The following ZNF608 variants were observed in gnomAD, a reference collection of about 807,000 sequenced individuals.
ZNF608 encodes the protein renal carcinoma antigen NY-REN-36.
ZNF608 carries 12 observed loss-of-function variants against 109.0 expected under a neutral mutation model. The ratio of observed to expected loss-of-function variants is 0.11; its 90% confidence interval spans 0.07 to 0.18. The LOEUF is 0.18. Among genes scored for constraint, ZNF608 ranks in the 10% least tolerant of loss-of-function variants. ZNF608 has a pLI of 1.00. For missense variants in ZNF608, 1,707 were observed against 1,879.3 expected, an observed-to-expected ratio of 0.91 and a Z score of 1.70; for synonymous variants, 732 against 717.4, an observed-to-expected ratio of 1.02 and a Z score of -0.33.
At position 124,648,713 on chromosome 5, in the gene ZNF608, G is replaced by A. The variant is rs1416292159; in HGVS notation, c.1671C>T (p.His557=). 7.4e-6 allele frequency: 12 copies of A among 1,614,240 alleles called. No individual in the cohort carries two copies. Among genetic ancestry groups the A allele is most frequent in the Middle Eastern group, 3.3e-4 (2 of 6,062 alleles). Reference sequence around the variant, plus strand: ...GCTTGTACTTTTTGTTGCAGTTTGGGTGGGGACAGTCGATTAACACTGGAG... The same window carrying A: ...GCTTGTACTTTTTGTTGCAGTTTGGATGGGGACAGTCGATTAACACTGGAG... ...CSSPVLIDCP[H]PNCNKKYKHI... The change falls in exon 5 of 10, where the codon CAC becomes CAT. Residue 557 remains histidine (H), a synonymous_variant. Coordinates refer to ENST00000513986, the MANE Select transcript of ZNF608 (RefSeq NM_020747.3).
intron 3 of ZNF608, among the ~76,000 whole-genome samples, chr5:124,677,585 C>A (rs1448078871): frequency 6.6e-6 from 1 of 152,176 alleles, no homozygotes; most frequent in South Asian, 2.1e-4. Flanking sequence ...CCGTGCAAAT[C>A]AAAATTCATA....
At position 124,667,484 on chromosome 5, in the gene ZNF608, G is replaced by A. The variant is rs943784489; in HGVS notation, c.1163-17787C>T. ...CCACCGTGGCTGGAAGAAAACAAGT[G>A]GCAACATCAACACCATTGTTGATAA... On this transcript the variant is annotated intron_variant, in intron 3 of 9. Coordinates refer to ENST00000513986, the MANE Select transcript of ZNF608 (RefSeq NM_020747.3). Among the ~76,000 whole-genome samples the A allele has an allele frequency of 2.6e-5, 4 of 151,964 alleles. No homozygotes were observed. In the South Asian group the frequency reaches 6.2e-4, roughly 24 times the overall value.
intron 3 of ZNF608, among the ~76,000 whole-genome samples, chr5:124,674,860 T>C (rs549934795): frequency 6.6e-6 from 1 of 152,258 alleles, no homozygotes; most frequent in Non-Finnish European, 1.5e-5. Flanking sequence ...AGTGATCTTC[T>C]GCCTCACCTC....
chr5:124,709,529 C>T (rs550009387), intron 2 of ZNF608, among the ~76,000 whole-genome samples: 1 of 152,156 alleles, frequency 6.6e-6, no homozygotes, highest in African/African-American at 2.4e-5. Flanking sequence ...CATAGCTAAG[C>T]GATATTGGTG....
chr5:124,692,865 C>T (rs1040218915), intron 3 of ZNF608, among the ~76,000 whole-genome samples: 1 of 152,168 alleles, frequency 6.6e-6, no homozygotes, highest in East Asian at 1.9e-4. Context: ...GACAAGCATG[C>T]CTAGCACAAT....
Position 124,647,266 on chromosome 5 carries a change from T to G in ZNF608, c.3118A>C (p.Lys1040Gln). ...IKKESEEDAE[K>Q]KDKAEQLDSK... Reference sequence around the variant, plus strand: ...TCTAACTGCTCTGCCTTGTCTTTCTTTTCAGCATCTTCCTCAGACTCCTTC... The same window carrying G: ...TCTAACTGCTCTGCCTTGTCTTTCTGTTCAGCATCTTCCTCAGACTCCTTC... Residue 1040 changes from lysine to glutamine, a missense_variant, in exon 5 of 10, where the codon AAG becomes CAG. This residue lies in a region of ZNF608 where 1,073 missense variants were observed against 1,133.5 expected (regional missense o/e 0.95). Transcript: ENST00000513986. 1 of 1,614,226 alleles carries G rather than the reference T, an allele frequency of 6.2e-7. No homozygotes were observed. The highest frequency in any genetic ancestry group is 1.6e-4 in the Middle Eastern group (1 of 6,062).
chr5:124,660,277 C>T (rs548823853), intron 3 of ZNF608, among the ~76,000 whole-genome samples: 1 of 152,172 alleles, frequency 6.6e-6, no homozygotes, highest in East Asian at 1.9e-4. Context: ...ACCATCTTTG[C>T]AAATCTAGAA....
intron 3 of ZNF608, among the ~76,000 whole-genome samples, chr5:124,661,584 G>A (rs1334516146): frequency 6.6e-6 from 1 of 152,080 alleles, no homozygotes; most frequent in Non-Finnish European, 1.5e-5. Context: ...GACTAATAGT[G>A]CTCTCCTCCA....
intron 2 of ZNF608, among the ~76,000 whole-genome samples, chr5:124,712,276 C>T (rs78612593): frequency 0.18 from 26,671 of 152,084 alleles, 2,656 homozygotes; most frequent in Admixed American, 0.27. Context: ...TGTGCCCCAG[C>T]GGTCTGTTTC....
Position 124,715,114 on chromosome 5 carries a change from C to T in ZNF608, c.907-13845G>A, listed in dbSNP as rs1000382378. On this transcript the variant is annotated intron_variant, in intron 2 of 9. Coordinates refer to ENST00000513986, the MANE Select transcript of ZNF608 (RefSeq NM_020747.3). ...AAATGAAATGGACTCTATGAAAATGCTTCCTCAGCTATTTTATAGGGGTAC... is the reference window on the plus strand; with the variant it reads ...AAATGAAATGGACTCTATGAAAATGTTTCCTCAGCTATTTTATAGGGGTAC... 9.2e-5 allele frequency among the ~76,000 whole-genome samples: 14 copies of T among 152,254 alleles called. 1 individual carries two copies. Among genetic ancestry groups the T allele is most frequent in the African/African-American group, 3.1e-4 (13 of 41,548 alleles).
In ZNF608 at chr5:124,688,194, CTT is replaced by C. The variant is rs1752475909; in HGVS notation, c.1162+12818_1162+12819del. Among the ~76,000 whole-genome samples the C allele has an allele frequency of 3.9e-5, 6 of 152,086 alleles. No homozygotes were observed. The South Asian group carries it at 1.2e-3, about 32-fold the overall frequency. On this transcript the variant is annotated intron_variant, in intron 3 of 9. Transcript: ENST00000513986. ...ATATTTAAAAGTATCTTTTAACTTC[CTT>C]CACTTGGGAGAAAAAGAGCTGTAAG...
In ZNF608 at chr5:124,646,876, C is replaced by G. The variant is rs1253963144; in HGVS notation, c.3508G>C (p.Gly1170Arg). 6 of 1,614,064 alleles carry G rather than the reference C, an allele frequency of 3.7e-6. No homozygotes were observed. The highest frequency in any genetic ancestry group is 5.1e-6 in the Non-Finnish European group (6 of 1,180,048). The change falls in exon 5 of 10, where the codon GGG becomes CGG. Residue 1170 changes from glycine to arginine, a missense_variant. Gly to Arg is a moderately radical substitution (Grantham distance 125). Coordinates refer to ENST00000513986, the MANE Select transcript of ZNF608 (RefSeq NM_020747.3). Reference protein sequence around the residue: ...PEPNKNHSKLGPSVPNKTEET... With the variant: ...PEPNKNHSKLRPSVPNKTEET... Reference sequence around the variant, plus strand: ...TCAGTTTTATTAGGCACTGATGGCCCTAGTTTAGAATGGTTTTTGTTAGGC... The same window carrying G: ...TCAGTTTTATTAGGCACTGATGGCCGTAGTTTAGAATGGTTTTTGTTAGGC...
rs114914724 is a variant in ZNF608, at chr5:124,714,163, C to T, written c.907-12894G>A. Among the ~76,000 whole-genome samples, 959 of 152,222 alleles carry T rather than the reference C, an allele frequency of 6.3e-3. 7 individuals are homozygous for T. The highest frequency in any genetic ancestry group is 0.022 in the African/African-American group (907 of 41,536). ...AAAACAACATTGTCAATCTATGATA[C>T]GTCTCTATTCCCAAAAGAAGAAACA... On this transcript the variant is annotated intron_variant, in intron 2 of 9. Transcript: ENST00000513986.
chr5:124,678,625 T>G (rs951796512), intron 3 of ZNF608, among the ~76,000 whole-genome samples: 1 of 152,158 alleles, frequency 6.6e-6, no homozygotes, highest in African/African-American at 2.4e-5. Context: ...AAGGTTTGAG[T>G]CTGGCTAGCA....
chr5:124,746,277 C>T lies in ZNF608; in HGVS notation c.-266G>A. The T allele has an allele frequency of 1.0e-6, 1 of 985,408 alleles. No individual in the cohort carries two copies. The highest frequency in any genetic ancestry group is 1.7e-5 in the African/African-American group (1 of 57,354). 61.0% of individuals were successfully genotyped at this position (985,408 alleles called of 1,614,324 possible). A position where few individuals can be genotyped will look rare whatever the true frequency, so the allele number is the denominator to read the frequency against. On this transcript the variant is annotated 5_prime_UTR_variant, in exon 1 of 10. The change abolishes an upstream ATG in the 5' untranslated region. Transcript: ENST00000513986. The stretch of plus-strand genomic sequence containing the variant: ...CCACTCGGCAAACAAGCCTGTGCCT[C>T]ATTTTACTTAAACACCAAATGATCA...
chr5:124,715,928 G>A (rs906962445), intron 2 of ZNF608, among the ~76,000 whole-genome samples: 8 of 152,028 alleles, frequency 5.3e-5, no homozygotes, highest in Non-Finnish European at 1.0e-4. Flanking sequence ...CGGATCACGA[G>A]GTCAGGAGAT....
chr5:124,698,874 T>C (rs1752944540), intron 3 of ZNF608, among the ~76,000 whole-genome samples: 1 of 152,190 alleles, frequency 6.6e-6, no homozygotes, highest in Non-Finnish European at 1.5e-5. Context: ...TTTACAGCTG[T>C]TCCAGAAAGT....
At chr5:124,728,534 A>G (rs1173783832) in intron 2 of ZNF608, among the ~76,000 whole-genome samples, 3 of 152,126 alleles carry the variant, frequency 2.0e-5, no homozygotes, top group South Asian at 4.1e-4. Context: ...ATTTTCCATA[A>G]TCTGAAAATC....
chr5:124,639,259 A>G lies in ZNF608; in HGVS notation c.4451-45T>C. 4 of 1,577,364 alleles carry G rather than the reference A, an allele frequency of 2.5e-6. No homozygotes were observed. In the South Asian group the frequency reaches 4.4e-5, roughly 18 times the overall value. Reference sequence around the variant, plus strand: ...GAGTGTCTGTGATCTTTAGAAGGATAAGAGTAGATACAGGCCCAGTGGAGA... The same window carrying G: ...GAGTGTCTGTGATCTTTAGAAGGATGAGAGTAGATACAGGCCCAGTGGAGA... On this transcript the variant is annotated intron_variant, in intron 8 of 9. Transcript: ENST00000513986.
Sources: gnomAD v4.1 joint callset for allele counts (sites outside exome capture counted in the v4.1 genomes callset) on GRCh38, gnomAD v4.1.1 for gene constraint, gnomAD v4.1.1 regional missense constraint, MANE v1.5 for transcripts, NCBI Gene and HGNC (gene_info 2026-07-23, HGNC 2026-07-21) for gene names.